Variants in PRKCB observed in about 807,000 individuals in gnomAD.
PRKCB encodes the protein protein kinase C beta type.
PRKCB carries 13 observed loss-of-function variants against 81.5 expected under a neutral mutation model. That is an observed-to-expected ratio of 0.16 (90% confidence interval 0.10 to 0.25). The LOEUF is 0.25. PRKCB is among the 10% of genes least tolerant of loss of function. PRKCB has a pLI of 1.00. For missense variants in PRKCB, 509 were observed against 875.7 expected (o/e 0.58, Z 5.29); for synonymous variants, 335 against 321.4 (o/e 1.04, Z -0.45).
At chr16:24,176,432 A>T (rs1004577512) in intron 12 of PRKCB, among the ~76,000 whole-genome samples, 1 of 152,182 alleles carries the variant, frequency 6.6e-6, no homozygotes, top group African/African-American at 2.4e-5. Context: ...AAGAATTTAA[A>T]TTTTAAATAG....
At chr16:23,871,284 T>C (rs987300208) in intron 2 of PRKCB, among the ~76,000 whole-genome samples, 6 of 152,220 alleles carry the variant, frequency 3.9e-5, no homozygotes, top group Non-Finnish European at 8.8e-5. Context: ...GTCAGTTATA[T>C]GAGCCAATGG....
rs182557103 is a variant in PRKCB at position 23,936,544 on chromosome 16, G to A, written c.206-51964G>A. Among the ~76,000 whole-genome samples the A allele has an allele frequency of 2.4e-3, 364 of 149,542 alleles. 3 individuals are homozygous for A. The highest frequency in any genetic ancestry group is 4.1e-3 in the Non-Finnish European group (276 of 67,676). On this transcript the variant is annotated intron_variant, in intron 2 of 16. Coordinates refer to ENST00000643927, the MANE Select transcript of PRKCB (RefSeq NM_002738.7). ...CCTCCCACCTCAGCTTCCTGCGTAG[G>A]TGAGGTCACAGGTGTGCACCACCAC...
At chr16:24,112,033 A>G (rs1328236235) in intron 7 of PRKCB, among the ~76,000 whole-genome samples, 1 of 152,226 alleles carries the variant, frequency 6.6e-6, no homozygotes, top group African/African-American at 2.4e-5. Context: ...GCACCCAGAC[A>G]TGGTTTGACT....
At chr16:23,994,126 A>C (rs890518835) in intron 3 of PRKCB, among the ~76,000 whole-genome samples, 4 of 152,214 alleles carry the variant, frequency 2.6e-5, no homozygotes, top group African/African-American at 9.7e-5. Context: ...ATAACTGTGC[A>C]CTAGAGAAAA....
chr16:24,215,569 G>A lies in PRKCB; in HGVS notation c.*753G>A. 1 of 985,542 alleles carries A rather than the reference G, an allele frequency of 1.0e-6. No individual in the cohort carries two copies. The highest frequency in any genetic ancestry group is 1.2e-6 in the Non-Finnish European group (1 of 829,850). The allele number at this position is 985,542 out of a possible 1,614,324, so 61.0% of individuals were successfully genotyped here. On this transcript the variant is annotated 3_prime_UTR_variant, in exon 17 of 17. Transcript: ENST00000643927. Reference sequence around the variant, plus strand: ...CAGTCACTCTAGCAAGGCCCCCAAAGGGCCCTGGTTTTACATTACATTTCA... The same window carrying A: ...CAGTCACTCTAGCAAGGCCCCCAAAAGGCCCTGGTTTTACATTACATTTCA...
At chr16:24,075,315 G>A (rs2141888057) in intron 5 of PRKCB, among the ~76,000 whole-genome samples, 1 of 152,258 alleles carries the variant, frequency 6.6e-6, no homozygotes, top group Non-Finnish European at 1.5e-5. Flanking sequence ...CCCAATGCAT[G>A]CAGCAAGTCA....
In PRKCB at chr16:24,219,902, TC is replaced by T; in HGVS notation, c.*5087del. ...TATCAGCCACCCAATGACTGGCGTA[TC>T]TTGGTCCTGTGTCTTTCTTCTTACG... is the stretch of plus-strand genomic sequence containing the variant. On this transcript the variant is annotated 3_prime_UTR_variant, in exon 17 of 17. Coordinates refer to ENST00000643927, the MANE Select transcript of PRKCB (RefSeq NM_002738.7). 1 of 1,585,822 alleles carries T rather than the reference TC, an allele frequency of 6.3e-7. No individual in the cohort carries two copies. The highest frequency in any genetic ancestry group is 8.6e-7 in the Non-Finnish European group (1 of 1,164,126).
intron 5 of PRKCB, among the ~76,000 whole-genome samples, chr16:24,049,045 C>CTTTTT (rs1462670006): frequency 2.4e-5 from 2 of 82,488 alleles, no homozygotes; most frequent in African/African-American, 5.9e-5. Context: ...TCAAATTGGC[C>CTTTTT]TGTTTTTTTT....
intron 9 of PRKCB, among the ~76,000 whole-genome samples, chr16:24,131,066 G>T (rs1294572549): frequency 6.6e-6 from 1 of 152,182 alleles, no homozygotes; most frequent in South Asian, 2.1e-4. Context: ...CATGGAGCAC[G>T]CCAGGTGTTA....
chr16:24,075,288 C>T (rs1415806503), intron 5 of PRKCB, among the ~76,000 whole-genome samples: 1 of 152,108 alleles, frequency 6.6e-6, no homozygotes, highest in Non-Finnish European at 1.5e-5. Context: ...GACAGTGTAA[C>T]TGTAATAGGT....
At chr16:24,019,061 A>T (rs1332513826) in intron 3 of PRKCB, among the ~76,000 whole-genome samples, 1 of 152,142 alleles carries the variant, frequency 6.6e-6, no homozygotes, top group Non-Finnish European at 1.5e-5. Flanking sequence ...ACCCTAAAAT[A>T]TTCTACTTTA....
At chr16:23,930,011 A>T (rs566306933) in intron 2 of PRKCB, among the ~76,000 whole-genome samples, 1 of 152,024 alleles carries the variant, frequency 6.6e-6, no homozygotes. Context: ...ACCATCTGCT[A>T]TGGTCGAAAT....
At chr16:23,838,836 C>A (rs1962214374) in intron 2 of PRKCB, among the ~76,000 whole-genome samples, 1 of 152,176 alleles carries the variant, frequency 6.6e-6, no homozygotes, top group South Asian at 2.1e-4. Flanking sequence ...GCCTGTCTTA[C>A]CAAGATTTGG....
intron 2 of PRKCB, among the ~76,000 whole-genome samples, chr16:23,845,517 A>G (rs1962352728): frequency 6.6e-6 from 1 of 152,202 alleles, no homozygotes; most frequent in Non-Finnish European, 1.5e-5. Flanking sequence ...GCAGTGGCTC[A>G]TGTCTGTAAT....
intron 5 of PRKCB, among the ~76,000 whole-genome samples, chr16:24,075,938 C>CT (rs551550494): frequency 1.3e-4 from 20 of 151,614 alleles, no homozygotes; most frequent in African/African-American, 1.7e-4. Context: ...TCATGCATTT[C>CT]TTTTTTTTTG....
chr16:23,906,286 A>C (rs1465331584), intron 2 of PRKCB, among the ~76,000 whole-genome samples: 1 of 151,734 alleles, frequency 6.6e-6, no homozygotes, highest in African/African-American at 2.4e-5. Flanking sequence ...CTCTTTGCTT[A>C]TGAGAACATT....
intron 7 of PRKCB, among the ~76,000 whole-genome samples, chr16:24,110,077 G>T (rs1966652458): frequency 7.0e-6 from 1 of 143,520 alleles, no homozygotes; most frequent in Non-Finnish European, 1.5e-5. Context: ...GCATGAGAGG[G>T]AGACCGTGGA....
chr16:24,122,060 G>A (rs550476778), intron 8 of PRKCB, among the ~76,000 whole-genome samples: 12 of 152,174 alleles, frequency 7.9e-5, no homozygotes, highest in Non-Finnish European at 1.5e-4. Context: ...GTAAATATAT[G>A]GTTTGTAAGA....
At chr16:24,140,809 G>A (rs1271397236) in intron 9 of PRKCB, among the ~76,000 whole-genome samples, 7 of 152,166 alleles carry the variant, frequency 4.6e-5, no homozygotes, top group East Asian at 1.9e-4. Context: ...CACCTTAGCC[G>A]AATTCAGGCT....
Sources: allele counts gnomAD v4.1 joint callset (sites outside exome capture counted in the v4.1 genomes callset), GRCh38; gene constraint gnomAD v4.1.1; transcripts MANE v1.5; gene names NCBI Gene and HGNC (gene_info 2026-07-23, HGNC 2026-07-21).